The following MYO9A variants were observed in gnomAD, a reference collection of about 807,000 sequenced individuals.
MYO9A encodes the protein myosin IXA.
MYO9A carries 103 observed loss-of-function variants against 293.3 expected under a neutral mutation model. The observed-to-expected ratio is 0.35, with a 90% CI of 0.30 to 0.41. The LOEUF (loss-of-function observed/expected upper bound fraction) is 0.41, where lower values mean the gene tolerates loss of function less well. Among genes scored for constraint, MYO9A ranks in the 10% least tolerant of loss-of-function variants. The probability of loss-of-function intolerance (pLI) is 1.00; values close to 1 mark genes in which losing one functional copy is unlikely to be tolerated. For missense variants in MYO9A, 2,685 were observed against 3,033.0 expected, an observed-to-expected ratio of 0.89 and a Z score of 2.69; for synonymous variants, 1,001 against 1,035.7, an observed-to-expected ratio of 0.97 and a Z score of 0.64.
Position 71,826,660 on chromosome 15 carries a change from C to T in MYO9A, c.7567G>A (p.Gly2523Ser). 1 of 1,613,274 alleles carries T rather than the reference C, an allele frequency of 6.2e-7. No homozygotes were observed. The change falls in exon 42 of 42, where the codon GGC becomes AGC. Residue 2523 changes from glycine (G) to serine (S), a missense_variant. Physicochemically the swap from Gly to Ser is moderately conservative, Grantham distance 56. Transcript: ENST00000356056. Reference protein sequence around the residue: ...KETPEGTVMSGRRKTVDPDCT... With the variant: ...KETPEGTVMSSRRKTVDPDCT... ...TCTGGGTCCACAGTTTTTCTGCGGC[C>T]AGACATGACTGTCCCCTCTGGGGTC... is the stretch of plus-strand genomic sequence containing the variant.
chr15:71,904,297 G>C (rs935976082), intron 20 of MYO9A, among the ~76,000 whole-genome samples: 2 of 152,128 alleles, frequency 1.3e-5, no homozygotes, highest in Admixed American at 1.3e-4. Flanking sequence ...GACCTTAAAG[G>C]CTCAAAAAGA....
intron 39 of MYO9A, among the ~76,000 whole-genome samples, chr15:71,842,605 A>T (rs1011880987): frequency 1.2e-4 from 18 of 151,936 alleles, no homozygotes; most frequent in African/African-American, 4.1e-4. Context: ...CACACTTGTA[A>T]TCCCAGCATT....
chr15:71,956,782 C>T (rs1279686572), intron 14 of MYO9A, among the ~76,000 whole-genome samples: 1 of 147,448 alleles, frequency 6.8e-6, no homozygotes, highest in African/African-American at 2.5e-5. Flanking sequence ...AGCATGTATG[C>T]TATATATGTA....
chr15:72,047,175 T>C (rs955363209), intron 1 of MYO9A, among the ~76,000 whole-genome samples: 1 of 152,006 alleles, frequency 6.6e-6, no homozygotes, highest in African/African-American at 2.4e-5. Flanking sequence ...ACTAAGGAGA[T>C]AGACATATAT....
intron 39 of MYO9A, among the ~76,000 whole-genome samples, chr15:71,840,099 A>C (rs2055090514): frequency 6.6e-6 from 1 of 152,256 alleles, no homozygotes; most frequent in Non-Finnish European, 1.5e-5. Flanking sequence ...CATCTGGAGA[A>C]GTAATTTATA....
At chr15:72,041,938 T>C (rs12914070) in intron 2 of MYO9A, among the ~76,000 whole-genome samples, 30,474 of 149,718 alleles carry the variant, frequency 0.2, 3,355 homozygotes, top group East Asian at 0.41. Context: ...ACTTTTAAAA[T>C]TGAAACCTTG....
chr15:72,092,090 G>A (rs1020954484), intron 1 of MYO9A, among the ~76,000 whole-genome samples: 5 of 152,146 alleles, frequency 3.3e-5, no homozygotes, highest in Admixed American at 1.3e-4. Flanking sequence ...GATAGGGCAG[G>A]AATTCAGAGA....
chr15:71,946,655 G>A (rs1194843232), intron 15 of MYO9A, among the ~76,000 whole-genome samples: 3 of 152,198 alleles, frequency 2.0e-5, no homozygotes, highest in Non-Finnish European at 2.9e-5. Context: ...AACAAAATTA[G>A]AACTTCAGTT....
At chr15:71,956,122 C>T (rs1329423892) in intron 14 of MYO9A, among the ~76,000 whole-genome samples, 2 of 149,604 alleles carry the variant, frequency 1.3e-5, no homozygotes, top group African/African-American at 2.5e-5. Flanking sequence ...CTGGGTAATA[C>T]AGCAAGACCC....
rs978346644 is a variant in MYO9A, at chr15:71,825,142, C to G, written c.*1438G>C. The G allele has an allele frequency of 3.9e-5, 6 of 152,228 alleles. No homozygotes were observed. The highest frequency in any genetic ancestry group is 1.2e-4 in the African/African-American group (5 of 41,544). 9.4% of individuals were successfully genotyped at this position (152,228 alleles called of 1,614,324 possible). A position where few individuals can be genotyped will look rare whatever the true frequency, so the allele number is the denominator to read the frequency against. On this transcript the variant is annotated 3_prime_UTR_variant, in exon 42 of 42. Transcript: ENST00000356056. Reference sequence around the variant, plus strand: ...TTCATTTTTTATATATTATAAATAGCAAAAACAGATTTCTAATCCCACAAA... The same window carrying G: ...TTCATTTTTTATATATTATAAATAGGAAAAACAGATTTCTAATCCCACAAA...
Position 71,878,178 on chromosome 15 carries a change from C to G in MYO9A, c.5793G>C (p.Gln1931His). ...RYKDLYALFEQILEKTMRLEQ... is the reference protein window; with the variant it reads ...RYKDLYALFEHILEKTMRLEQ... ...CAAGCCTCATCGTCTTTTCCAGAAT[C>G]TGTTCAAATAGTGCATAGAGGTCTT... The change falls in exon 31 of 42, where the codon CAG becomes CAC. Residue 1931 changes from glutamine to histidine, a missense_variant. By Grantham distance (24) the Gln-to-His change is conservative. Coordinates refer to ENST00000356056, the MANE Select transcript of MYO9A (RefSeq NM_006901.4). 1.2e-6 allele frequency: 2 copies of G among 1,611,712 alleles called. No homozygotes were observed. The highest frequency in any genetic ancestry group is 1.1e-5 in the South Asian group (1 of 90,650).
rs191458239 is a variant in MYO9A at position 71,874,992 on chromosome 15, T to C, written c.5979+799A>G. On this transcript the variant is annotated intron_variant, in intron 32 of 41. Transcript: ENST00000356056. ...ACAGCACTTTGTATTATTCCTACTA[T>C]AATATTTATCATACCTGACAGTAAT... Among the ~76,000 whole-genome samples, 426 of 152,306 alleles carry C rather than the reference T, an allele frequency of 2.8e-3. 1 individual carries two copies. Among genetic ancestry groups the C allele is most frequent in the Non-Finnish European group, 5.0e-3 (338 of 68,014 alleles).
At position 71,935,478 on chromosome 15, in the gene MYO9A, T is replaced by A. The variant is rs1310451298; in HGVS notation, c.2385A>T (p.Thr795=). The A allele has an allele frequency of 3.7e-6, 6 of 1,613,042 alleles. No homozygotes were observed. The highest frequency in any genetic ancestry group is 5.1e-6 in the Non-Finnish European group (6 of 1,179,384). ...NALNEKNQHD[T]FDIAWNGRTG... ...TTCTGCCATTCCAGGCAATATCAAATGTATCACTGTAAAAAATATAATTTG... is the reference window on the plus strand; with the variant it reads ...TTCTGCCATTCCAGGCAATATCAAAAGTATCACTGTAAAAAATATAATTTG... Residue 795 remains threonine, a synonymous_variant, in exon 17 of 42, where the codon ACA becomes ACT. Coordinates refer to ENST00000356056, the MANE Select transcript of MYO9A (RefSeq NM_006901.4).
intron 1 of MYO9A, among the ~76,000 whole-genome samples, chr15:72,113,995 G>A (rs972220340): frequency 4.6e-5 from 7 of 152,198 alleles, no homozygotes; most frequent in Non-Finnish European, 7.3e-5. Context: ...TGGAAGCTAT[G>A]ACATAGGGGG....
chr15:72,041,312 T>C, intron 2 of MYO9A: 1 of 756,098 alleles, frequency 1.3e-6, no homozygotes, highest in Non-Finnish European at 2.3e-6. Flanking sequence ...TTTCTGGCAG[T>C]TTAAGATCCT....
At chr15:71,869,062 T>C (rs12902421) in intron 32 of MYO9A, among the ~76,000 whole-genome samples, 1,914 of 132,742 alleles carry the variant, frequency 0.014, 16 homozygotes, top group East Asian at 0.037. Flanking sequence ...GAATGACTGA[T>C]GGAATTTTTA....
chr15:71,959,930 G>T lies in MYO9A; in HGVS notation c.2153C>A (p.Ala718Asp), dbSNP rs1440512171. The part of the protein sequence containing the change: ...FFRAMVAFRE[A>D]GKRNIHRKTG... ...TTTTCTGTGAATGTTTCTTTTCCCA[G>T]CTTCCCTGAAAGCAACCATGGCTCT... The change falls in exon 14 of 42, where the codon GCT becomes GAT. Residue 718 changes from alanine to aspartate, a missense_variant. This residue lies in a region of MYO9A where 1,434 missense variants were observed against 1,497.7 expected (regional missense o/e 0.96). Coordinates refer to ENST00000356056, the MANE Select transcript of MYO9A (RefSeq NM_006901.4). 1.2e-6 allele frequency: 2 copies of T among 1,613,194 alleles called. No homozygotes were observed. Among genetic ancestry groups the T allele is most frequent in the Non-Finnish European group, 1.7e-6 (2 of 1,179,748 alleles).
intron 1 of MYO9A, among the ~76,000 whole-genome samples, chr15:72,072,113 G>GA (rs2079211883): frequency 6.7e-6 from 1 of 148,712 alleles, no homozygotes; most frequent in Admixed American, 6.7e-5. Context: ...ACATAAAAGA[G>GA]AAAAAAGATA....
chr15:72,085,130 C>T (rs1686188363), intron 1 of MYO9A, among the ~76,000 whole-genome samples: 1 of 152,156 alleles, frequency 6.6e-6, no homozygotes, highest in Non-Finnish European at 1.5e-5. Context: ...CGTGGTGGCT[C>T]ACGCCTGTAG....
Sources: gnomAD v4.1 joint callset for allele counts (sites outside exome capture counted in the v4.1 genomes callset) on GRCh38, gnomAD v4.1.1 for gene constraint, gnomAD v4.1.1 regional missense constraint, MANE v1.5 for transcripts, NCBI Gene and HGNC (gene_info 2026-07-23, HGNC 2026-07-21) for gene names.